TMEM123: variants seen among roughly 807,000 people sequenced by gnomAD.
The protein encoded by TMEM123 is transmembrane protein 123, also known as porimin.
A neutral mutation model predicts 19.7 loss-of-function variants in TMEM123; 16 were observed. The ratio of observed to expected loss-of-function variants is 0.81; its 90% CI spans 0.55 to 1.23. The LOEUF (loss-of-function observed/expected upper bound fraction) is 1.23. Ranked by LOEUF, TMEM123 falls within the 50% of genes most tolerant of loss-of-function variation. TMEM123 has a pLI of 0.00. For synonymous variants in TMEM123, 118 were observed against 99.4 expected (o/e 1.19, Z -1.12); for missense variants, 313 against 257.8 (o/e 1.21, Z -1.47).
In TMEM123 at chr11:102,398,402, TTC is replaced by T. The variant is rs1565345453; in HGVS notation, c.*463_*464del. 3 of 396,184 alleles carry T rather than the reference TTC, an allele frequency of 7.6e-6. No individual in the cohort carries two copies. Among genetic ancestry groups the T allele is most frequent in the Non-Finnish European group, 1.3e-5 (3 of 225,054 alleles). The allele number at this position is 396,184 out of a possible 1,614,324, so 24.5% of individuals were successfully genotyped here. A position where few individuals can be genotyped will look rare whatever the true frequency, so the allele number is the denominator to read the frequency against. On this transcript the variant is annotated 3_prime_UTR_variant, in exon 5 of 5. Coordinates refer to ENST00000398136, the MANE Select transcript of TMEM123 (RefSeq NM_052932.3). ...TTCAGATCTAGTTTGATTGTATAAT[TTC>T]TGTGTGGCATTAGTAATTAAGATAT...
At chr11:102,442,269 C>T (rs1857835050) in intron 2 of TMEM123, among the ~76,000 whole-genome samples, 1 of 152,292 alleles carries the variant, frequency 6.6e-6, no homozygotes, top group Non-Finnish European at 1.5e-5. Context: ...ACCAATATCC[C>T]TGATGAATAT....
chr11:102,407,048 C>A (rs937229082), intron 2 of TMEM123, among the ~76,000 whole-genome samples: 2 of 152,092 alleles, frequency 1.3e-5, no homozygotes, highest in African/African-American at 4.8e-5. Flanking sequence ...GAGAACCACA[C>A]ATCTGCCATC....
At chr11:102,445,035 G>A (rs1857868636) in intron 2 of TMEM123, among the ~76,000 whole-genome samples, 1 of 152,032 alleles carries the variant, frequency 6.6e-6, no homozygotes, top group South Asian at 2.1e-4. Flanking sequence ...GGGGGGAAGG[G>A]GGGAGGGATA....
intron 2 of TMEM123, among the ~76,000 whole-genome samples, chr11:102,442,227 A>T (rs1405139297): frequency 6.6e-6 from 1 of 152,176 alleles, no homozygotes; most frequent in Non-Finnish European, 1.5e-5. Flanking sequence ...CTGATACCAA[A>T]GCCTGGCAGA....
Position 102,401,952 on chromosome 11 carries a change from T to C in TMEM123, c.412A>G (p.Asn138Asp). 6.2e-7 allele frequency: 1 copy of C among 1,614,170 alleles called. No individual in the cohort carries two copies. The highest frequency in any genetic ancestry group is 8.5e-7 in the Non-Finnish European group (1 of 1,180,008). ...GAAGCAGCAGATGTCACTGAACTAT[T>C]GTGGGTTACGGTCATTGTGGATGTT... ...ISTSTMTVTH[N>D]SSVTSAASSV... Residue 138 changes from asparagine (N) to aspartate (D), a missense_variant, in exon 3 of 5, where the codon AAT becomes GAT. Physicochemically the swap from Asn to Asp is conservative, Grantham distance 23 (BLOSUM62 1). Transcript: ENST00000398136.
At chr11:102,448,423 T>C in intron 2 of TMEM123, 1 of 362,036 alleles carries the variant, frequency 2.8e-6, no homozygotes. Context: ...AGCAGAGGTA[T>C]ATTAAGGCTG....
chr11:102,445,017 C>T (rs969107575), intron 2 of TMEM123, among the ~76,000 whole-genome samples: 2 of 119,648 alleles, frequency 1.7e-5, no homozygotes, highest in African/African-American at 3.2e-5. Flanking sequence ...CAGGGCCTGT[C>T]GTGGGGTGGG....
At chr11:102,438,973 C>G (rs943100211) in intron 2 of TMEM123, among the ~76,000 whole-genome samples, 5 of 152,242 alleles carry the variant, frequency 3.3e-5, no homozygotes, top group African/African-American at 9.6e-5. Flanking sequence ...CCCACACCCA[C>G]GAAGCCTTGC....
intron 2 of TMEM123, among the ~76,000 whole-genome samples, chr11:102,420,112 A>T (rs1287069132): frequency 6.6e-6 from 1 of 152,204 alleles, no homozygotes; most frequent in African/African-American, 2.4e-5. Flanking sequence ...TCTGTCTTAG[A>T]AACTATTTGC....
chr11:102,432,766 C>T (rs1425723949), intron 2 of TMEM123, among the ~76,000 whole-genome samples: 1 of 152,218 alleles, frequency 6.6e-6, no homozygotes, highest in Non-Finnish European at 1.5e-5. Context: ...GTTTCCTGGG[C>T]CAGGCCCAGG....
At chr11:102,411,118 A>G (rs1952000566) in intron 2 of TMEM123, among the ~76,000 whole-genome samples, 1 of 152,082 alleles carries the variant, frequency 6.6e-6, no homozygotes, top group Admixed American at 6.5e-5. Flanking sequence ...CTGCCATAGC[A>G]TAGGGCCCAC....
intron 2 of TMEM123, among the ~76,000 whole-genome samples, chr11:102,404,180 T>G (rs1951934436): frequency 6.6e-6 from 1 of 152,086 alleles, no homozygotes; most frequent in Non-Finnish European, 1.5e-5. Flanking sequence ...TTAGGTTCCT[T>G]GCCCCGCCAC....
At chr11:102,409,671 C>T (rs887085416) in intron 2 of TMEM123, among the ~76,000 whole-genome samples, 2 of 152,042 alleles carry the variant, frequency 1.3e-5, no homozygotes, top group Non-Finnish European at 2.9e-5. Flanking sequence ...GTCAGGAATT[C>T]GAGACCAGCC....
chr11:102,452,339 G>A, intron 1 of TMEM123, 185 bp downstream of exon 1: 1 of 431,784 alleles, frequency 2.3e-6, no homozygotes, highest in Non-Finnish European at 3.9e-6. Context: ...AGGCGGCCCC[G>A]GGGCCAGCGG....
At chr11:102,436,806 TAATGC>T (rs1857767919) in intron 2 of TMEM123, among the ~76,000 whole-genome samples, 1 of 152,194 alleles carries the variant, frequency 6.6e-6, no homozygotes, top group Non-Finnish European at 1.5e-5. Flanking sequence ...AAGGAGTATT[TAATGC>T]AAAAGAAAGA....
intron 2 of TMEM123, among the ~76,000 whole-genome samples, chr11:102,420,536 T>TG (rs1210054848): frequency 6.6e-6 from 1 of 152,190 alleles, no homozygotes; most frequent in Non-Finnish European, 1.5e-5. Flanking sequence ...ATTTTACAGA[T>TG]GAAACTAAGG....
chr11:102,441,113 C>G (rs960232459), intron 2 of TMEM123, among the ~76,000 whole-genome samples: 4 of 152,200 alleles, frequency 2.6e-5, no homozygotes, highest in African/African-American at 4.8e-5. Flanking sequence ...TAACACCCCA[C>G]TGTCAACATT....
chr11:102,448,693 G>T, intron 2 of TMEM123, 119 bp downstream of exon 2: 1 of 889,056 alleles, frequency 1.1e-6, no homozygotes, highest in Non-Finnish European at 1.8e-6. Context: ...GGATTCATGG[G>T]TGAAGAACTC....
chr11:102,405,685 A>ACACCC (rs1184156990), intron 2 of TMEM123, among the ~76,000 whole-genome samples: 6 of 152,138 alleles, frequency 3.9e-5, no homozygotes, highest in Non-Finnish European at 7.4e-5. Flanking sequence ...ACACACACAC[A>ACACCC]CACCCCTCCC....
Sources: allele counts gnomAD v4.1 joint callset (sites outside exome capture counted in the v4.1 genomes callset), GRCh38; gene constraint gnomAD v4.1.1; transcripts MANE v1.5; gene names NCBI Gene and HGNC (gene_info 2026-07-23, HGNC 2026-07-21).